The following FCGR2A variants were observed in gnomAD, a reference collection of about 807,000 sequenced individuals.
FCGR2A encodes the protein Fc gamma receptor IIa, also known as low affinity immunoglobulin gamma Fc region receptor II-a.
FCGR2A carries 18 observed loss-of-function variants against 29.3 expected under a neutral mutation model. The observed-to-expected ratio is 0.62, with a 90% CI of 0.43 to 0.91. The LOEUF is 0.91. Among genes scored for constraint, FCGR2A ranks in the 40% least tolerant of loss-of-function variants. The pLI, the probability that FCGR2A is intolerant of heterozygous loss-of-function variation, is 0.00. For synonymous variants in FCGR2A, 126 were observed against 144.8 expected, an observed-to-expected ratio of 0.87 and a Z score of 0.93; for missense variants, 287 against 393.0, an observed-to-expected ratio of 0.73 and a Z score of 2.28.
intron 3 of FCGR2A, 156 bp downstream of exon 3, chr1:161,506,747 T>G: frequency 7.4e-7 from 1 of 1,348,952 alleles, no homozygotes; most frequent in Non-Finnish European, 1.0e-6. Flanking sequence ...CCACCCTCTT[T>G]GCTTAGCATG....
chr1:161,508,086 CAAAAA>C (rs61414204), intron 3 of FCGR2A, among the ~76,000 whole-genome samples: 138 of 68,234 alleles, frequency 2.0e-3, no homozygotes, highest in African/African-American at 7.3e-3. Context: ...AACTCTGTCT[CAAAAA>C]AAAAAAAAAA....
chr1:161,506,149 T>A, intron 2 of FCGR2A, 142 bp downstream of exon 2: 1 of 1,256,668 alleles, frequency 8.0e-7, no homozygotes, highest in Non-Finnish European at 1.2e-6. Context: ...CCCATTTTAG[T>A]GGGGTCTGGG....
intron 5 of FCGR2A, 111 bp downstream of exon 5, chr1:161,511,067 G>A: frequency 6.7e-7 from 1 of 1,496,326 alleles, no homozygotes; most frequent in South Asian, 1.1e-5. Flanking sequence ...TTCCGATCTA[G>A]GCCCACCTTT....
At chr1:161,516,129 A>G (rs1223803604) in intron 6 of FCGR2A, among the ~76,000 whole-genome samples, 1 of 152,092 alleles carries the variant, frequency 6.6e-6, no homozygotes, top group Admixed American at 6.6e-5. Flanking sequence ...CAATTTGTCA[A>G]AAAAATACCT....
chr1:161,523,842 G>A (rs554031066), downstream of FCGR2A: 4 of 151,630 alleles, frequency 2.6e-5, no homozygotes, highest in African/African-American at 4.8e-5. Context: ...GGAAAAAAAT[G>A]AAAGTGCATT....
In FCGR2A at chr1:161,509,962, T is replaced by C; in HGVS notation, c.507T>C (p.Asp169=). 1 of 1,613,916 alleles carries C rather than the reference T, an allele frequency of 6.2e-7. No individual in the cohort carries two copies. Among genetic ancestry groups the C allele is most frequent in the Non-Finnish European group, 8.5e-7 (1 of 1,179,862 alleles). The change falls in exon 4 of 7, where the codon GAT becomes GAC. Residue 169 remains aspartate, a synonymous_variant. Coordinates refer to ENST00000271450, the MANE Select transcript of FCGR2A (RefSeq NM_001136219.3). Reference sequence around the variant, plus strand: ...AATCCCAGAAATTCTCCCATTTGGATCCCACCTTCTCCATCCCACAAGCAA... The same window carrying C: ...AATCCCAGAAATTCTCCCATTTGGACCCCACCTTCTCCATCCCACAAGCAA... ...NGKSQKFSHL[D]PTFSIPQANH...
intron 4 of FCGR2A, 136 bp downstream of exon 4, chr1:161,510,210 G>A (rs1287143623): frequency 1.4e-6 from 2 of 1,478,810 alleles, no homozygotes; most frequent in Non-Finnish European, 1.8e-6. Context: ...GAGTGGGGTG[G>A]AAGCCTGGCT....
downstream of FCGR2A, among the ~76,000 whole-genome samples, chr1:161,522,161 A>G (rs1472210732): frequency 5.3e-5 from 8 of 152,054 alleles, no homozygotes; most frequent in African/African-American, 1.9e-4. Flanking sequence ...TGATTGCATC[A>G]CTGTACTCCA....
At chr1:161,514,462 CTTTAACAG>C (rs1413349932) in intron 6 of FCGR2A, among the ~76,000 whole-genome samples, 1 of 150,630 alleles carries the variant, frequency 6.6e-6, no homozygotes, top group Non-Finnish European at 1.5e-5. Flanking sequence ...TTAGATTTTT[CTTTAACAG>C]TTTGGTGTCA....
At chr1:161,515,563 C>A (rs1190304130) in intron 6 of FCGR2A, among the ~76,000 whole-genome samples, 1 of 151,992 alleles carries the variant, frequency 6.6e-6, no homozygotes, top group African/African-American at 2.4e-5. Context: ...AGCTTCGTAC[C>A]CTTTCTCTGG....
intron 6 of FCGR2A, among the ~76,000 whole-genome samples, chr1:161,515,146 C>G (rs4657045): frequency 0.085 from 12,819 of 150,812 alleles, 38 homozygotes; most frequent in East Asian, 0.23. Flanking sequence ...GTCTCAGAAA[C>G]AATGATAAAT....
At chr1:161,505,629 G>C in intron 1 of FCGR2A, 77 bp downstream of exon 1, 2 of 1,191,842 alleles carry the variant, frequency 1.7e-6, no homozygotes, top group South Asian at 2.4e-5. Flanking sequence ...GTGTGGTAAG[G>C]AGCAGGCCTG....
At chr1:161,510,670 G>A (rs1270172593) in intron 4 of FCGR2A, among the ~76,000 whole-genome samples, 164 bp from the exon 5 acceptor site, 1 of 152,244 alleles carries the variant, frequency 6.6e-6, no homozygotes, top group Non-Finnish European at 1.5e-5. Flanking sequence ...AGTGAGGCTG[G>A]GGATGTGGTG....
At chr1:161,510,326 T>C (rs1386729133) in intron 4 of FCGR2A, 1 of 717,994 alleles carries the variant, frequency 1.4e-6, no homozygotes, top group Non-Finnish European at 2.4e-6. Context: ...AGACTAAAGA[T>C]GGCAGTGAAG....
At position 161,506,004 on chromosome 1, in the gene FCGR2A, G is replaced by A. The variant is rs1474113030; in HGVS notation, c.103G>A (p.Ala35Thr). The change falls in exon 2 of 7, where the codon GCT (alanine) becomes ACT (threonine). Residue 35 changes from alanine (A) to threonine (T), a missense_variant. Ala to Thr is a moderately conservative substitution (Grantham distance 58). Transcript: ENST00000271450. Reference sequence around the variant, plus strand: ...TTTTACAGCTTCTGCAGACAGTCAAGCTGGTGAGTATGCCCTTTGCTTCCT... The same window carrying A: ...TTTTACAGCTTCTGCAGACAGTCAAACTGGTGAGTATGCCCTTTGCTTCCT... ...LLLLASADSQAAAPPKAVLKL... is the reference protein window; with the variant it reads ...LLLLASADSQTAAPPKAVLKL... The A allele has an allele frequency of 1.9e-6, 3 of 1,613,882 alleles. No individual in the cohort carries two copies. Among genetic ancestry groups the A allele is most frequent in the Non-Finnish European group, 2.5e-6 (3 of 1,179,856 alleles).
chr1:161,509,158 G>A (rs756925210), intron 3 of FCGR2A, among the ~76,000 whole-genome samples: 12 of 152,228 alleles, frequency 7.9e-5, no homozygotes, highest in Non-Finnish European at 1.2e-4. Context: ...AGAAGCCTCA[G>A]TTCTGTGAAC....
At position 161,519,433 on chromosome 1, in the gene FCGR2A, C is replaced by T. The variant is rs937685654; in HGVS notation, c.*1285C>T. The stretch of plus-strand genomic sequence containing the variant: ...GCAATCATGTAAGTCTATATGACTT[C>T]AGAAATGTTAAAATAGACTAACCTC... On this transcript the variant is annotated 3_prime_UTR_variant, in exon 7 of 7. Transcript: ENST00000271450. 3 of 152,372 alleles carry T rather than the reference C, an allele frequency of 2.0e-5. No individual in the cohort carries two copies. The highest frequency in any genetic ancestry group is 7.2e-5 in the African/African-American group (3 of 41,426). The allele number at this position is 152,372 out of a possible 1,614,324, so 9.4% of individuals were successfully genotyped here.
At chr1:161,523,915 T>A (rs552646226), downstream of FCGR2A, 14 of 152,164 alleles carry the variant, frequency 9.2e-5, no homozygotes, top group Admixed American at 3.3e-4. Context: ...GAACCACCAA[T>A]GCTACTGTCA....
At position 161,506,458 on chromosome 1, in the gene FCGR2A, C is replaced by T. The variant is rs749232323; in HGVS notation, c.231C>T (p.His77=). The change falls in exon 3 of 7, where the codon CAC becomes CAT. Residue 77 remains histidine, a synonymous_variant. Transcript: ENST00000271450. ...AGAGCGACTCCATTCAGTGGTTCCACAATGGGAATCTCATTCCCACCCACA... is the reference window on the plus strand; with the variant it reads ...AGAGCGACTCCATTCAGTGGTTCCATAATGGGAATCTCATTCCCACCCACA... The part of the protein sequence containing the change: ...SPESDSIQWF[H]NGNLIPTHTQ... 5.0e-6 allele frequency: 8 copies of T among 1,614,122 alleles called. No individual in the cohort carries two copies. The East Asian group carries it at 1.1e-4, about 22-fold the overall frequency.
Sources: gnomAD v4.1 joint callset for allele counts (sites outside exome capture counted in the v4.1 genomes callset) on GRCh38, gnomAD v4.1.1 for gene constraint, MANE v1.5 for transcripts, NCBI Gene and HGNC (gene_info 2026-07-23, HGNC 2026-07-21) for gene names.